RAPGEF5: variants seen among roughly 807,000 people sequenced by gnomAD.
RAPGEF5 encodes Rap guanine nucleotide exchange factor 5.
RAPGEF5 carries 65 observed loss-of-function variants against 125.2 expected under a neutral mutation model. The ratio of observed to expected loss-of-function variants is 0.52; its 90% CI spans 0.43 to 0.64. The LOEUF (loss-of-function observed/expected upper bound fraction) is 0.64. RAPGEF5 is among the 30% of genes least tolerant of loss of function. The pLI, the probability that RAPGEF5 is intolerant of heterozygous loss-of-function variation, is 0.00. For missense variants in RAPGEF5, 958 were observed against 1,048.1 expected (o/e 0.91, Z 1.19); for synonymous variants, 391 against 385.9 (o/e 1.01, Z -0.16).
At chr7:22,188,999 C>T (rs1489243768) in intron 11 of RAPGEF5, among the ~76,000 whole-genome samples, 1 of 148,434 alleles carries the variant, frequency 6.7e-6, no homozygotes. Flanking sequence ...TGTGTAGACA[C>T]GTCCACACAG....
At chr7:22,333,670 A>T (rs991072477) in intron 1 of RAPGEF5, among the ~76,000 whole-genome samples, 1 of 152,236 alleles carries the variant, frequency 6.6e-6, no homozygotes, top group African/African-American at 2.4e-5. Flanking sequence ...AGGCTGAGGC[A>T]CACATCCAGG....
rs1037010441 is a variant in RAPGEF5 at position 22,310,124 on chromosome 7, T to C, written c.390-34A>G. The C allele has an allele frequency of 4.1e-6, 6 of 1,481,276 alleles. No homozygotes were observed. The African/African-American group carries it at 4.4e-5, about 11-fold the overall frequency. 91.8% of individuals were successfully genotyped at this position (1,481,276 alleles called of 1,614,324 possible). On this transcript the variant is annotated intron_variant, in intron 3 of 25. Coordinates refer to ENST00000665637, the MANE Select transcript of RAPGEF5 (RefSeq NM_012294.5). ...AAGCAAAGCCATTCACAGTAAGATA[T>C]TGCTGACATCCGTTTGCCAAAAAAA...
At chr7:22,218,087 G>C (rs1001550212) in intron 9 of RAPGEF5, among the ~76,000 whole-genome samples, 1 of 151,938 alleles carries the variant, frequency 6.6e-6, no homozygotes, top group Admixed American at 6.6e-5. Context: ...TTTAACATTA[G>C]GTATATCTCC....
chr7:22,284,067 C>CTG (rs1554273151), intron 6 of RAPGEF5, among the ~76,000 whole-genome samples: 9,477 of 149,550 alleles, frequency 0.063, 534 homozygotes, highest in African/African-American at 0.16. Flanking sequence ...TTTTAAAAAG[C>CTG]TGTGTGTGTG....
intron 11 of RAPGEF5, among the ~76,000 whole-genome samples, chr7:22,173,025 T>C (rs1386131443): frequency 6.6e-6 from 1 of 152,242 alleles, no homozygotes; most frequent in Non-Finnish European, 1.5e-5. Context: ...ATTAGCCGTT[T>C]TGTTTCACCT....
At chr7:22,240,127 T>C (rs1786290736) in intron 7 of RAPGEF5, among the ~76,000 whole-genome samples, 1 of 150,746 alleles carries the variant, frequency 6.6e-6, no homozygotes, top group African/African-American at 2.4e-5. Context: ...GGAGAATCAC[T>C]TGAACCTGGG....
chr7:22,312,311 C>T (rs190747860), intron 3 of RAPGEF5, among the ~76,000 whole-genome samples: 29 of 152,008 alleles, frequency 1.9e-4, no homozygotes, highest in Non-Finnish European at 3.5e-4. Context: ...CGGGTTCAAG[C>T]GATTCTCCTG....
At chr7:22,246,808 A>G (rs1320083656) in intron 7 of RAPGEF5, among the ~76,000 whole-genome samples, 1 of 152,228 alleles carries the variant, frequency 6.6e-6, no homozygotes, top group Non-Finnish European at 1.5e-5. Flanking sequence ...AACATGGGGG[A>G]AAATATTTGC....
chr7:22,330,131 G>C (rs1035811278), intron 1 of RAPGEF5, among the ~76,000 whole-genome samples: 3 of 152,138 alleles, frequency 2.0e-5, no homozygotes, highest in Admixed American at 2.0e-4. Context: ...ACGATGACTC[G>C]ACACATAAAG....
Position 22,156,796 on chromosome 7 carries a change from C to T in RAPGEF5, c.1636+14G>A. 1 of 1,613,836 alleles carries T rather than the reference C, an allele frequency of 6.2e-7. No individual in the cohort carries two copies. The highest frequency in any genetic ancestry group is 8.5e-7 in the Non-Finnish European group (1 of 1,179,792). ...GCTGCCCACCCCCAAACCCTCACTT[C>T]AAACCATACTCACTTTCCTCCGTTT... On this transcript the variant is annotated intron_variant, in intron 16 of 25. Transcript: ENST00000665637.
intron 9 of RAPGEF5, among the ~76,000 whole-genome samples, chr7:22,196,217 C>T (rs535080590): frequency 6.6e-6 from 1 of 152,158 alleles, no homozygotes; most frequent in African/African-American, 2.4e-5. Context: ...TGTAATAATC[C>T]TACGAATTAC....
chr7:22,203,660 C>T (rs1785330707), intron 9 of RAPGEF5, among the ~76,000 whole-genome samples: 1 of 152,152 alleles, frequency 6.6e-6, no homozygotes, highest in Non-Finnish European at 1.5e-5. Context: ...ATCCATTCGC[C>T]CTGGTTAGAA....
chr7:22,335,578 T>C (rs1350763453), intron 1 of RAPGEF5, among the ~76,000 whole-genome samples: 4 of 151,592 alleles, frequency 2.6e-5, no homozygotes, highest in Non-Finnish European at 5.9e-5. Flanking sequence ...GTGGGGCATC[T>C]ACTTCCATTT....
In RAPGEF5 at chr7:22,193,395, G is replaced by C; in HGVS notation, c.1176C>G (p.His392Gln). The change falls in exon 11 of 26, where the codon CAC becomes CAG. Residue 392 changes from histidine (H) to glutamine (Q), a missense_variant. Transcript: ENST00000665637. ...KILEHLLNDLHLEEVQDKETE... is the reference protein window; with the variant it reads ...KILEHLLNDLQLEEVQDKETE... ...TTTCTTTGTCCTGGACTTCTTCCAG[G>C]TGCAAGTCATTCAAAAGGTGCTCCA... is the stretch of plus-strand genomic sequence containing the variant. 1.9e-6 allele frequency: 3 copies of C among 1,595,156 alleles called. No homozygotes were observed. Among genetic ancestry groups the C allele is most frequent in the Non-Finnish European group, 1.7e-6 (2 of 1,170,186 alleles).
At chr7:22,159,642 G>A (rs1783920255) in intron 14 of RAPGEF5, among the ~76,000 whole-genome samples, 1 of 152,152 alleles carries the variant, frequency 6.6e-6, no homozygotes, top group African/African-American at 2.4e-5. Context: ...AATTAGTAAG[G>A]GGACTTAATG....
chr7:22,350,303 C>G (rs940991178), intron 1 of RAPGEF5, among the ~76,000 whole-genome samples: 3 of 152,180 alleles, frequency 2.0e-5, no homozygotes, highest in Non-Finnish European at 2.9e-5. Context: ...GTTATGGTAT[C>G]AGTATTTAGA....
At chr7:22,345,270 TGGAGCCTCAGTTTTCTTA>T (rs1483275859) in intron 1 of RAPGEF5, among the ~76,000 whole-genome samples, 7 of 152,232 alleles carry the variant, frequency 4.6e-5, no homozygotes, top group Non-Finnish European at 2.9e-5. Flanking sequence ...ATACCAATTG[TGGAGCCTCAGTTTTCTTA>T]CTTAATTTCT....
intron 11 of RAPGEF5, among the ~76,000 whole-genome samples, chr7:22,169,411 A>C (rs1476711237): frequency 6.6e-6 from 1 of 152,204 alleles, no homozygotes; most frequent in Admixed American, 6.5e-5. Flanking sequence ...AATCACTTGC[A>C]TATTAGCTGG....
chr7:22,171,911 T>G (rs930105999), intron 11 of RAPGEF5, among the ~76,000 whole-genome samples: 1 of 152,234 alleles, frequency 6.6e-6, no homozygotes, highest in Non-Finnish European at 1.5e-5. Flanking sequence ...AATAATACTT[T>G]CGTAGTGGCT....
Sources: gnomAD v4.1 joint callset for allele counts (sites outside exome capture counted in the v4.1 genomes callset) on GRCh38, gnomAD v4.1.1 for gene constraint, MANE v1.5 for transcripts, NCBI Gene and HGNC (gene_info 2026-07-23, HGNC 2026-07-21) for gene names.